The following ESF1 variants were observed in gnomAD, a reference collection of about 807,000 sequenced individuals.
ESF1 encodes ESF1 nucleolar pre-rRNA processing protein.
A neutral mutation model predicts 92.0 loss-of-function variants in ESF1; 58 were observed. That is an observed-to-expected ratio of 0.63 (90% CI 0.51 to 0.78). The LOEUF (loss-of-function observed/expected upper bound fraction) is 0.78, where lower values mean the gene tolerates loss of function less well. Ranked by LOEUF, ESF1 falls within the 30% of genes least tolerant of loss-of-function variation. ESF1 has a pLI of 0.00. For synonymous variants in ESF1, 321 were observed against 313.7 expected (o/e 1.02, Z -0.24); for missense variants, 922 against 989.1 (o/e 0.93, Z 0.91).
At chr20:13,774,376 A>G (rs1979830780) in intron 4 of ESF1, among the ~76,000 whole-genome samples, 1 of 152,196 alleles carries the variant, frequency 6.6e-6, no homozygotes, top group East Asian at 1.9e-4. Flanking sequence ...TCCAGTAAGT[A>G]TATATAATGC....
chr20:13,744,595 T>A (rs934680082), intron 9 of ESF1, among the ~76,000 whole-genome samples: 3 of 152,186 alleles, frequency 2.0e-5, no homozygotes, highest in Non-Finnish European at 2.9e-5. Context: ...CTAACTGTGT[T>A]CCAGCCACAC....
At chr20:13,747,198 T>C (rs2050055326) in intron 9 of ESF1, among the ~76,000 whole-genome samples, 1 of 151,934 alleles carries the variant, frequency 6.6e-6, no homozygotes, top group Admixed American at 6.6e-5. Flanking sequence ...ACTGGCTACT[T>C]CATTGGCAGT....
At chr20:13,763,940 G>C (rs1979317238) in intron 8 of ESF1, among the ~76,000 whole-genome samples, 1 of 152,166 alleles carries the variant, frequency 6.6e-6, no homozygotes, top group African/African-American at 2.4e-5. Flanking sequence ...AGTATTTTAT[G>C]AAAAGCTTAG....
At chr20:13,768,144 C>G (rs1236187208) in intron 7 of ESF1, among the ~76,000 whole-genome samples, 1 of 152,202 alleles carries the variant, frequency 6.6e-6, no homozygotes, top group Admixed American at 6.5e-5. Context: ...AGTTTTACTA[C>G]ACCCAGTAAC....
At chr20:13,717,041 C>T (rs2049833661) in intron 13 of ESF1, among the ~76,000 whole-genome samples, 1 of 151,598 alleles carries the variant, frequency 6.6e-6, no homozygotes, top group Admixed American at 6.6e-5. Flanking sequence ...ATGGTCTTGA[C>T]CTCCTGACCT....
intron 9 of ESF1, among the ~76,000 whole-genome samples, chr20:13,741,042 T>G (rs956112962): frequency 2.6e-5 from 4 of 152,172 alleles, no homozygotes; most frequent in Admixed American, 2.6e-4. Flanking sequence ...CCACCAGGAA[T>G]AATCTATTTA....
At chr20:13,740,378 AAAGGAT>A (rs1050681437) in intron 9 of ESF1, among the ~76,000 whole-genome samples, 1 of 152,190 alleles carries the variant, frequency 6.6e-6, no homozygotes, top group African/African-American at 2.4e-5. Flanking sequence ...CAGACTAACA[AAAGGAT>A]AAGACTAGAA....
intron 5 of ESF1, among the ~76,000 whole-genome samples, chr20:13,771,734 A>T (rs1248689928): frequency 6.6e-6 from 1 of 152,104 alleles, no homozygotes; most frequent in Non-Finnish European, 1.5e-5. Flanking sequence ...GTGTTTATCT[A>T]TAATTTAACT....
intron 12 of ESF1, 90 bp downstream of exon 12, chr20:13,718,818 G>A (rs1278716419): frequency 4.2e-5 from 35 of 836,606 alleles, no homozygotes; most frequent in Non-Finnish European, 6.0e-5. Context: ...GCTAAAATAA[G>A]TTGTTTTTTA....
At chr20:13,738,368 C>T (rs1193069972) in intron 9 of ESF1, among the ~76,000 whole-genome samples, 1 of 149,612 alleles carries the variant, frequency 6.7e-6, no homozygotes, top group East Asian at 2.0e-4. Context: ...GGCTGGAGTG[C>T]AGTAGTGCAA....
At chr20:13,734,006 T>C (rs2049960707) in intron 9 of ESF1, among the ~76,000 whole-genome samples, 164 bp from the exon 10 acceptor site, 1 of 152,182 alleles carries the variant, frequency 6.6e-6, no homozygotes, top group South Asian at 2.1e-4. Flanking sequence ...TACAGTGACA[T>C]AGGACCAACT....
At chr20:13,784,725 G>A (rs1320837015) in intron 1 of ESF1, 155 bp downstream of exon 1, 2 of 322,898 alleles carry the variant, frequency 6.2e-6, no homozygotes, top group South Asian at 3.1e-5. Context: ...GAAGACTGAA[G>A]AATGAGACCG....
intron 8 of ESF1, among the ~76,000 whole-genome samples, chr20:13,763,138 G>A (rs1479812364): frequency 6.6e-6 from 1 of 152,168 alleles, no homozygotes; most frequent in African/African-American, 2.4e-5. Context: ...TGGGATTACA[G>A]GCGTGAGCTG....
rs1568718243 is a variant in ESF1, at chr20:13,748,538, A to ATGTG, written c.1828+11153_1828+11154insCACA. 2.0e-4 allele frequency among the ~76,000 whole-genome samples: 15 copies of ATGTG among 76,280 alleles called. 1 individual carries two copies. The highest frequency in any genetic ancestry group is 7.4e-4 in the African/African-American group (15 of 20,202). The allele number at this position is 76,280 out of a possible 152,430, so 50.0% of individuals were successfully genotyped here. On this transcript the variant is annotated intron_variant, in intron 9 of 13. Transcript: ENST00000617257. ...TATACACATATATATATACACATAT[A>ATGTG]TATGTGTGTGTATATATATATATAT... is the stretch of plus-strand genomic sequence containing the variant.
At chr20:13,739,115 T>C (rs1440829195) in intron 9 of ESF1, among the ~76,000 whole-genome samples, 1 of 152,172 alleles carries the variant, frequency 6.6e-6, no homozygotes, top group Non-Finnish European at 1.5e-5. Flanking sequence ...TAACCCTCAA[T>C]TCTATATCTT....
At chr20:13,772,224 A>G (rs1366418558) in intron 5 of ESF1, among the ~76,000 whole-genome samples, 1 of 151,996 alleles carries the variant, frequency 6.6e-6, no homozygotes, top group Non-Finnish European at 1.5e-5. Flanking sequence ...ACTAATTCAG[A>G]GCAACGAGGC....
At chr20:13,746,437 C>T (rs1320790066) in intron 9 of ESF1, among the ~76,000 whole-genome samples, 1 of 152,156 alleles carries the variant, frequency 6.6e-6, no homozygotes, top group Non-Finnish European at 1.5e-5. Flanking sequence ...TTTCACCTGC[C>T]TCTTTGTCAG....
At chr20:13,722,687 AT>A (rs35588189) in intron 11 of ESF1, among the ~76,000 whole-genome samples, 169 of 146,946 alleles carry the variant, frequency 1.2e-3, no homozygotes, top group Admixed American at 2.1e-3. Flanking sequence ...CCAGCTCCAC[AT>A]TTTTTTTTTT....
At chr20:13,780,648 G>C (rs147640804) in intron 2 of ESF1, among the ~76,000 whole-genome samples, 1 of 150,984 alleles carries the variant, frequency 6.6e-6, no homozygotes, top group Non-Finnish European at 1.5e-5. Context: ...GAACTCTTGG[G>C]CTATCAAGAC....
Sources: gnomAD v4.1 joint callset for allele counts (sites outside exome capture counted in the v4.1 genomes callset) on GRCh38, gnomAD v4.1.1 for gene constraint, MANE v1.5 for transcripts, NCBI Gene and HGNC (gene_info 2026-07-23, HGNC 2026-07-21) for gene names.